Variants in RALGPS1 observed in about 807,000 individuals in gnomAD.
RALGPS1 encodes Ral GEF with PH domain and SH3 binding motif 1.
In RALGPS1, 19 loss-of-function variants were observed where a neutral mutation model predicts 78.8. The observed-to-expected ratio is 0.24, with a 90% CI of 0.17 to 0.35. The LOEUF (loss-of-function observed/expected upper bound fraction) is 0.35. Among genes scored for constraint, RALGPS1 ranks in the 10% least tolerant of loss-of-function variants. The probability of loss-of-function intolerance (pLI) is 1.00; values close to 1 mark genes in which losing one functional copy is unlikely to be tolerated. For synonymous variants in RALGPS1, 228 were observed against 256.3 expected (o/e 0.89, Z 1.06); for missense variants, 454 against 688.3 (o/e 0.66, Z 3.81).
rs148227623 is a variant in RALGPS1 at position 127,033,773 on chromosome 9, C to G, written c.217-658C>G. 1.5e-3 allele frequency among the ~76,000 whole-genome samples: 226 copies of G among 152,240 alleles called. 1 individual carries two copies. The highest frequency in any genetic ancestry group is 5.0e-3 in the African/African-American group (209 of 41,534). ...CTTTTATCCCTTGGCTAAGAGCCAG[C>G]CTTACTGATAAATAAAATCTAGATA... On this transcript the variant is annotated intron_variant, in intron 4 of 18. Coordinates refer to ENST00000259351, the MANE Select transcript of RALGPS1 (RefSeq NM_014636.3).
In RALGPS1 at chr9:127,190,727, G is replaced by A. The variant is rs771062643; in HGVS notation, c.911-4364G>A. Among the ~76,000 whole-genome samples, 215 of 152,244 alleles carry A rather than the reference G, an allele frequency of 1.4e-3. 2 individuals are homozygous for A. The highest frequency in any genetic ancestry group is 4.4e-4 in the Non-Finnish European group (30 of 68,022). ...AGCATCCTTGTGTATGTGGCTCCTCGTGTATATATGCAGGAGTTTCTCTAG... is the reference window on the plus strand; with the variant it reads ...AGCATCCTTGTGTATGTGGCTCCTCATGTATATATGCAGGAGTTTCTCTAG... On this transcript the variant is annotated intron_variant, in intron 11 of 18. Transcript: ENST00000259351.
At chr9:126,980,585 C>G (rs1436289666) in intron 4 of RALGPS1, among the ~76,000 whole-genome samples, 1 of 152,176 alleles carries the variant, frequency 6.6e-6, no homozygotes. Context: ...TCCTAATTTT[C>G]TAATTTCTAA....
At chr9:127,217,148 A>T in intron 18 of RALGPS1, 1 of 1,285,590 alleles carries the variant, frequency 7.8e-7, no homozygotes, top group Non-Finnish European at 9.8e-7. Context: ...CAGAGCACTA[A>T]TGGGTCAGTT....
At position 127,091,045 on chromosome 9, in the gene RALGPS1, C is replaced by T. The variant is rs2052409081; in HGVS notation, c.610+21689C>T. Among the ~76,000 whole-genome samples, 1 of 152,256 alleles carries T rather than the reference C, an allele frequency of 6.6e-6. No individual in the cohort carries two copies. Among genetic ancestry groups the T allele is most frequent in the African/African-American group, 2.4e-5 (1 of 41,468 alleles). On this transcript the variant is annotated intron_variant, in intron 8 of 18. Transcript: ENST00000259351. The surrounding 1 kb of genome is among the most constrained non-coding windows in gnomAD (Gnocchi z 4.3). ...TCTGCTTTCCTCTTAATAGCTTCCT[C>T]TCAGCACTGCACTAGCATTACATGC...
intron 8 of RALGPS1, chr9:127,107,154 A>C (rs2054296532): frequency 6.6e-6 from 1 of 152,226 alleles, no homozygotes; most frequent in South Asian, 2.1e-4. Flanking sequence ...AAAGACCTGA[A>C]TGCAAATCTA....
At chr9:127,026,322 G>C (rs1309025682) in intron 4 of RALGPS1, among the ~76,000 whole-genome samples, 4 of 152,178 alleles carry the variant, frequency 2.6e-5, no homozygotes, top group African/African-American at 9.7e-5. Flanking sequence ...TGCCCACCCA[G>C]ATTAAGGGTG....
chr9:127,207,637 G>A (rs982159892), intron 14 of RALGPS1, among the ~76,000 whole-genome samples: 2 of 152,194 alleles, frequency 1.3e-5, no homozygotes, highest in African/African-American at 2.4e-5. Context: ...GACACTTTCG[G>A]TTGTCTGGTT....
At chr9:127,032,690 C>G (rs2046529041) in intron 4 of RALGPS1, among the ~76,000 whole-genome samples, 1 of 152,154 alleles carries the variant, frequency 6.6e-6, no homozygotes, top group Admixed American at 6.5e-5. Flanking sequence ...GTCAAACATA[C>G]ATTTGAAACC....
At chr9:126,986,551 C>T (rs2041820598) in intron 4 of RALGPS1, among the ~76,000 whole-genome samples, 1 of 152,212 alleles carries the variant, frequency 6.6e-6, no homozygotes, top group Admixed American at 6.5e-5. Flanking sequence ...GAGCTCCTTA[C>T]CACATCTGTC....
chr9:127,096,239 T>C (rs1281159), intron 8 of RALGPS1, among the ~76,000 whole-genome samples: 72,860 of 152,134 alleles, frequency 0.48, 18,056 homozygotes, highest in Non-Finnish European at 0.53. Flanking sequence ...TGGTTGTGTT[T>C]AGCTGAAGCC....
intron 5 of RALGPS1, among the ~76,000 whole-genome samples, chr9:127,035,559 G>A (rs1324169621): frequency 1.3e-5 from 2 of 152,126 alleles, no homozygotes; most frequent in African/African-American, 4.8e-5. Context: ...GGGTGATGGG[G>A]CCTGGATTCC....
intron 4 of RALGPS1, among the ~76,000 whole-genome samples, chr9:127,020,169 C>G (rs1333164819): frequency 6.6e-6 from 1 of 152,102 alleles, no homozygotes; most frequent in Admixed American, 6.5e-5. Context: ...CCTGAGAGAA[C>G]TCACTGGTAA....
At chr9:126,952,572 G>A (rs926264246) in intron 1 of RALGPS1, among the ~76,000 whole-genome samples, 1 of 152,056 alleles carries the variant, frequency 6.6e-6, no homozygotes, top group Non-Finnish European at 1.5e-5. Flanking sequence ...AGAGTAATGG[G>A]TGCCCTAGTG....
At chr9:127,005,376 A>G (rs1353881858) in intron 4 of RALGPS1, among the ~76,000 whole-genome samples, 1 of 152,220 alleles carries the variant, frequency 6.6e-6, no homozygotes, top group East Asian at 1.9e-4. Flanking sequence ...CTGTGCACAG[A>G]TGAAGCATCT....
intron 11 of RALGPS1, among the ~76,000 whole-genome samples, chr9:127,185,328 C>T (rs1347812585): frequency 6.6e-6 from 1 of 152,254 alleles, no homozygotes; most frequent in Admixed American, 6.5e-5. Flanking sequence ...AGTCTGTGCA[C>T]ATGCTGTTCT....
At chr9:126,930,531 A>G (rs2035697001) in intron 1 of RALGPS1, among the ~76,000 whole-genome samples, 1 of 152,156 alleles carries the variant, frequency 6.6e-6, no homozygotes, top group South Asian at 2.1e-4. Context: ...TAACCTTCAC[A>G]TCCCAAGTTC....
intron 9 of RALGPS1, among the ~76,000 whole-genome samples, chr9:127,167,280 C>G (rs1230161053): frequency 6.6e-6 from 1 of 152,186 alleles, no homozygotes; most frequent in Non-Finnish European, 1.5e-5. Context: ...GGTGGGGGTT[C>G]CCACACTTCA....
chr9:127,190,199 G>A (rs550160375), intron 11 of RALGPS1, among the ~76,000 whole-genome samples: 40 of 152,336 alleles, frequency 2.6e-4, no homozygotes, highest in African/African-American at 9.4e-4. Context: ...TACTGCATAT[G>A]TACTTGTGTG....
At position 127,108,833 on chromosome 9, in the gene RALGPS1, C is replaced by T. The variant is rs543628261; in HGVS notation, c.610+39477C>T. ...TGATGGTCCCACCACTGTCAGTGCC[C>T]TGTGCCATCAGTGATCCCAGCCTTC... On this transcript the variant is annotated intron_variant, in intron 8 of 18. Transcript: ENST00000259351. The T allele has an allele frequency of 4.4e-4, 557 of 1,278,638 alleles. 1 individual carries two copies. Among genetic ancestry groups the T allele is most frequent in the Admixed American group, 5.4e-4 (21 of 39,098 alleles). 79.2% of individuals were successfully genotyped at this position (1,278,638 alleles called of 1,614,324 possible).
Sources: gnomAD v4.1 joint callset for allele counts (sites outside exome capture counted in the v4.1 genomes callset) on GRCh38, gnomAD v4.1.1 for gene constraint, Gnocchi (gnomAD v3.1) non-coding constraint, MANE v1.5 for transcripts, NCBI Gene and HGNC (gene_info 2026-07-23, HGNC 2026-07-21) for gene names.